The following CHRNA3 variants were observed in gnomAD, a reference collection of about 807,000 sequenced individuals.
The protein encoded by CHRNA3 is neuronal acetylcholine receptor subunit alpha-3.
A neutral mutation model predicts 41.9 loss-of-function variants in CHRNA3; 34 were observed. The observed-to-expected ratio is 0.81, with a 90% CI of 0.62 to 1.08. The LOEUF is 1.08. Ranked by LOEUF, CHRNA3 falls within the 50% of genes least tolerant of loss-of-function variation. The pLI is 0.00. For missense variants in CHRNA3, 542 were observed against 638.3 expected, an observed-to-expected ratio of 0.85 and a Z score of 1.63; for synonymous variants, 281 against 265.2, an observed-to-expected ratio of 1.06 and a Z score of -0.58.
In CHRNA3 at chr15:78,601,299, A is replaced by G; in HGVS notation, c.1343T>C (p.Val448Ala). The G allele has an allele frequency of 6.2e-7, 1 of 1,614,216 alleles. No individual in the cohort carries two copies. Among genetic ancestry groups the G allele is most frequent in the South Asian group, 1.1e-5 (1 of 91,084 alleles). Residue 448 changes from valine (V) to alanine (A), a missense_variant, in exon 5 of 6, where the codon GTC becomes GCC. Coordinates refer to ENST00000326828, the MANE Select transcript of CHRNA3 (RefSeq NM_000743.5). ...TTTCATATTTTCAGCAATATACTTG[A>G]CACTTTGGATGGCTTCTTTGATTTC... is the stretch of plus-strand genomic sequence containing the variant. ...SPEIKEAIQS[V>A]KYIAENMKAQ...
intron 4 of CHRNA3, among the ~76,000 whole-genome samples, chr15:78,607,715 G>C (rs929019819): frequency 3.3e-5 from 5 of 152,240 alleles, no homozygotes; most frequent in Non-Finnish European, 7.3e-5. Flanking sequence ...GTGCCAGACA[G>C]TGGGTGCAGG....
At chr15:78,597,633 T>C (rs1035688128) in intron 5 of CHRNA3, among the ~76,000 whole-genome samples, 2 of 152,064 alleles carry the variant, frequency 1.3e-5, no homozygotes, top group Non-Finnish European at 2.9e-5. Context: ...CAGAAATAAT[T>C]GCTGACAATA....
In CHRNA3 at chr15:78,620,910, C is replaced by T. The variant is rs2053541771; in HGVS notation, c.-116G>A. 1.7e-6 allele frequency: 2 copies of T among 1,201,666 alleles called. No individual in the cohort carries two copies. The highest frequency in any genetic ancestry group is 4.4e-5 in the Admixed American group (1 of 22,610). The allele number at this position is 1,201,666 out of a possible 1,614,324, so 74.4% of individuals were successfully genotyped here. ...GACCCCAGACCTGGAGCCGTGCGGG[C>T]GGAGACGCGCGGGGCTCCTCTCCGC... On this transcript the variant is annotated 5_prime_UTR_variant, in exon 1 of 6. Coordinates refer to ENST00000326828, the MANE Select transcript of CHRNA3 (RefSeq NM_000743.5).
chr15:78,610,726 A>G lies in CHRNA3; in HGVS notation c.377+6298T>C, dbSNP rs1254244573. On this transcript the variant is annotated intron_variant, in intron 4 of 5. Coordinates refer to ENST00000326828, the MANE Select transcript of CHRNA3 (RefSeq NM_000743.5). ...CAGAAGGCAAGAAATAACTAAAATCAGAGCAGAACTGAAGGAAATAGAGAC... is the reference window on the plus strand; with the variant it reads ...CAGAAGGCAAGAAATAACTAAAATCGGAGCAGAACTGAAGGAAATAGAGAC... 2.6e-5 allele frequency among the ~76,000 whole-genome samples: 4 copies of G among 151,708 alleles called. No homozygotes were observed. The East Asian group carries it at 5.8e-4, about 22-fold the overall frequency.
Position 78,618,872 on chromosome 15 carries a change from C to T in CHRNA3, c.126G>A (p.Leu42=), listed in dbSNP as rs1392913211. ...SEAEHRLFER[L]FEDYNEIIRP... ...GGATGATCTCATTGTAATCTTCAAA[C>T]AGCCGCTCAAATAGACGGTGCTCAG... Residue 42 remains leucine, a synonymous_variant, in exon 2 of 6, where the codon CTG becomes CTA. Coordinates refer to ENST00000326828, the MANE Select transcript of CHRNA3 (RefSeq NM_000743.5). 3 of 1,614,006 alleles carry T rather than the reference C, an allele frequency of 1.9e-6. No individual in the cohort carries two copies. The highest frequency in any genetic ancestry group is 2.2e-5 in the East Asian group (1 of 44,880).
rs2053104050 is a variant in CHRNA3, at chr15:78,596,061, A to ATAAT, written c.*539_*542dup. 3.0e-6 allele frequency: 3 copies of ATAAT among 983,952 alleles called. No individual in the cohort carries two copies. Among genetic ancestry groups the ATAAT allele is most frequent in the Admixed American group, 6.1e-5 (1 of 16,272 alleles). 61.0% of individuals were successfully genotyped at this position (983,952 alleles called of 1,614,324 possible). A position where few individuals can be genotyped will look rare whatever the true frequency, so the allele number is the denominator to read the frequency against. On this transcript the variant is annotated 3_prime_UTR_variant, in exon 6 of 6. Coordinates refer to ENST00000326828, the MANE Select transcript of CHRNA3 (RefSeq NM_000743.5). Reference sequence around the variant, plus strand: ...ATAACTAGGCATGATTTCTCATGGTATAATTTAGAAGTATGCAAGAGAAGT... The same window carrying ATAAT: ...ATAACTAGGCATGATTTCTCATGGTATAATTAATTTAGAAGTATGCAAGAGAAGT...
intron 4 of CHRNA3, among the ~76,000 whole-genome samples, chr15:78,612,893 T>A (rs2053402095): frequency 6.6e-6 from 1 of 150,636 alleles, no homozygotes; most frequent in African/African-American, 2.5e-5. Flanking sequence ...AACAACCCCA[T>A]CAAAAAGTGG....
chr15:78,614,249 T>C (rs1360794969), intron 4 of CHRNA3, among the ~76,000 whole-genome samples: 1 of 152,222 alleles, frequency 6.6e-6, no homozygotes, highest in Non-Finnish European at 1.5e-5. Context: ...AACTTTTTGC[T>C]CATTTTCTTA....
chr15:78,596,259 T>A lies in CHRNA3; in HGVS notation c.*345A>T, dbSNP rs935656022. On this transcript the variant is annotated 3_prime_UTR_variant, in exon 6 of 6. Transcript: ENST00000326828. ...AGATCTGTAGTGATAACTGAATGAC[T>A]TTTCATATTTCTGAACAGCATTTTT... 2.0e-6 allele frequency: 2 copies of A among 993,208 alleles called. No individual in the cohort carries two copies. Among genetic ancestry groups the A allele is most frequent in the African/African-American group, 3.5e-5 (2 of 57,478 alleles). The allele number at this position is 993,208 out of a possible 1,614,324, so 61.5% of individuals were successfully genotyped here.
intron 4 of CHRNA3, among the ~76,000 whole-genome samples, chr15:78,609,274 A>T (rs1351906878): frequency 6.6e-5 from 10 of 152,132 alleles, no homozygotes; most frequent in South Asian, 2.1e-4. Flanking sequence ...GACACATAAT[A>T]GTCAGATTCA....
At chr15:78,616,999 G>A (rs1013405784) in intron 4 of CHRNA3, 25 bp downstream of exon 4, 4 of 1,549,776 alleles carry the variant, frequency 2.6e-6, no homozygotes, top group South Asian at 1.1e-5. Flanking sequence ...AGCCCTGAGA[G>A]GGCGTGGGCC....
At chr15:78,593,121 G>A (rs2053037747), downstream of CHRNA3, 8 of 1,611,456 alleles carry the variant, frequency 5.0e-6, no homozygotes, top group East Asian at 2.2e-5. Flanking sequence ...TCATAGCCCA[G>A]GTTCTTGATC....
intron 3 of CHRNA3, among the ~76,000 whole-genome samples, chr15:78,618,139 T>C (rs1198318615): frequency 6.6e-6 from 1 of 151,984 alleles, no homozygotes; most frequent in Non-Finnish European, 1.5e-5. Context: ...CCCAGCTACT[T>C]GGGAGGCTGA....
Position 78,596,072 on chromosome 15 carries a change from G to A in CHRNA3, c.*532C>T, listed in dbSNP as rs2053104297. On this transcript the variant is annotated 3_prime_UTR_variant, in exon 6 of 6. Transcript: ENST00000326828. ...TGATTTCTCATGGTATAATTTAGAA[G>A]TATGCAAGAGAAGTAGTTGAAGCTC... The A allele has an allele frequency of 3.0e-6, 3 of 984,728 alleles. No individual in the cohort carries two copies. The South Asian group carries it at 1.4e-4, about 46-fold the overall frequency. 61.0% of individuals were successfully genotyped at this position (984,728 alleles called of 1,614,324 possible).
At chr15:78,603,983 T>TA (rs755583288) in intron 4 of CHRNA3, among the ~76,000 whole-genome samples, 5 of 152,116 alleles carry the variant, frequency 3.3e-5, no homozygotes, top group African/African-American at 4.8e-5. Context: ...AGGGCTGGGC[T>TA]AAGCAGAAGG....
In CHRNA3 at chr15:78,595,485, A is replaced by G; in HGVS notation, c.*1119T>C. On this transcript the variant is annotated 3_prime_UTR_variant, in exon 6 of 6. Transcript: ENST00000326828. ...CTCAACCAGGGGCAATTTTGCTCCT[A>G]AGGGAACATTTAACAATGGAGACAT... 1 of 843,748 alleles carries G rather than the reference A, an allele frequency of 1.2e-6. No homozygotes were observed. The highest frequency in any genetic ancestry group is 1.4e-6 in the Non-Finnish European group (1 of 700,970). The allele number at this position is 843,748 out of a possible 1,614,324, so 52.3% of individuals were successfully genotyped here. A position where few individuals can be genotyped will look rare whatever the true frequency, so the allele number is the denominator to read the frequency against.
chr15:78,599,119 C>T (rs1596071309), intron 5 of CHRNA3, among the ~76,000 whole-genome samples: 2 of 151,912 alleles, frequency 1.3e-5, no homozygotes, highest in East Asian at 1.9e-4. Flanking sequence ...GGATTACAGG[C>T]GTGAGCCACT....
In CHRNA3 at chr15:78,608,076, C is replaced by T. The variant is rs529459354; in HGVS notation, c.378-5812G>A. On this transcript the variant is annotated intron_variant, in intron 4 of 5. Transcript: ENST00000326828. ...AGGTAAACAAAGCAGCCGGGAAGCT[C>T]GAACTGGATGGAGCCCACCACAGCC... Among the ~76,000 whole-genome samples, 13 of 152,340 alleles carry T rather than the reference C, an allele frequency of 8.5e-5. No homozygotes were observed. The South Asian group carries it at 2.7e-3, about 32-fold the overall frequency.
chr15:78,602,195 C>G lies in CHRNA3; in HGVS notation c.447G>C (p.Trp149Cys). Residue 149 changes from tryptophan (W) to cysteine (C), a missense_variant, in exon 5 of 6, where the codon TGG becomes TGC. Transcript: ENST00000326828. ...AGCTCTTAAAGATGGCCGGAGGTAT[C>G]CAAGTCACCTCCCCAGTGTACTTGA... is the stretch of plus-strand genomic sequence containing the variant. ...ALLKYTGEVT[W>C]IPPAIFKSSC... The G allele has an allele frequency of 1.2e-6, 2 of 1,614,100 alleles. No homozygotes were observed. Among genetic ancestry groups the G allele is most frequent in the Non-Finnish European group, 1.7e-6 (2 of 1,180,014 alleles).
Sources: gnomAD v4.1 joint callset for allele counts (sites outside exome capture counted in the v4.1 genomes callset) on GRCh38, gnomAD v4.1.1 for gene constraint, MANE v1.5 for transcripts, NCBI Gene and HGNC (gene_info 2026-07-23, HGNC 2026-07-21) for gene names.